PLD1: variants seen among roughly 807,000 people sequenced by gnomAD.
The protein encoded by PLD1 is phospholipase D1.
A neutral mutation model predicts 137.1 loss-of-function variants in PLD1; 112 were observed. That is an observed-to-expected ratio of 0.82 (90% CI 0.70 to 0.96). The LOEUF is 0.96. Ranked by LOEUF, PLD1 falls within the 40% of genes least tolerant of loss-of-function variation. The probability of loss-of-function intolerance (pLI) is 0.00; values close to 1 mark genes in which losing one functional copy is unlikely to be tolerated. For synonymous variants in PLD1, 431 were observed against 454.7 expected, an observed-to-expected ratio of 0.95 and a Z score of 0.66; for missense variants, 1,321 against 1,342.0, an observed-to-expected ratio of 0.98 and a Z score of 0.24.
chr3:171,646,686 A>G (rs567116708), intron 21 of PLD1, among the ~76,000 whole-genome samples: 71 of 152,062 alleles, frequency 4.7e-4, no homozygotes, highest in Non-Finnish European at 8.8e-4. Context: ...AAAAAAAAAA[A>G]AAAAGAAAAG....
chr3:171,745,419 G>C (rs1310961106), intron 1 of PLD1, among the ~76,000 whole-genome samples: 1 of 152,120 alleles, frequency 6.6e-6, no homozygotes, highest in Non-Finnish European at 1.5e-5. Flanking sequence ...TGCATCCCTG[G>C]CCTCTGCTCA....
intron 16 of PLD1, among the ~76,000 whole-genome samples, chr3:171,679,592 A>G (rs1407173740): frequency 6.6e-6 from 1 of 152,244 alleles, no homozygotes; most frequent in Non-Finnish European, 1.5e-5. Flanking sequence ...CTCTAAGCTA[A>G]GGCTTTACAT....
intron 16 of PLD1, among the ~76,000 whole-genome samples, chr3:171,678,932 T>C (rs1713669228): frequency 6.6e-6 from 1 of 152,128 alleles, no homozygotes; most frequent in African/African-American, 2.4e-5. Flanking sequence ...TGCTCCTTTC[T>C]CCCTCTTGGC....
chr3:171,616,321 T>C (rs1252281391), intron 24 of PLD1, among the ~76,000 whole-genome samples: 1 of 152,242 alleles, frequency 6.6e-6, no homozygotes, highest in Non-Finnish European at 1.5e-5. Flanking sequence ...TTATCTTTCC[T>C]TTGTGGTTTG....
chr3:171,619,220 A>G lies in PLD1; in HGVS notation c.2728+1166T>C, dbSNP rs546897298. 4.6e-5 allele frequency among the ~76,000 whole-genome samples: 7 copies of G among 152,300 alleles called. No homozygotes were observed. The East Asian group carries it at 1.3e-3, about 29-fold the overall frequency. On this transcript the variant is annotated intron_variant, in intron 24 of 26. Coordinates refer to ENST00000351298, the MANE Select transcript of PLD1 (RefSeq NM_002662.5). ...TTACCTGGTTGATTATTTATACTCTATCATCCTGGACTTCCAATACTCATT... is the reference window on the plus strand; with the variant it reads ...TTACCTGGTTGATTATTTATACTCTGTCATCCTGGACTTCCAATACTCATT...
At chr3:171,737,756 G>A (rs1224502090) in intron 2 of PLD1, 97 bp from the exon 3 acceptor site, 1 of 1,270,642 alleles carries the variant, frequency 7.9e-7, no homozygotes, top group African/African-American at 1.5e-5. Flanking sequence ...AAACAAGTAA[G>A]CCTCTTATAA....
chr3:171,716,818 G>A (rs755469607), intron 8 of PLD1, among the ~76,000 whole-genome samples: 4 of 152,054 alleles, frequency 2.6e-5, no homozygotes, highest in Admixed American at 6.6e-5. Context: ...ATATTTGCCC[G>A]TTCCAATGTC....
intron 24 of PLD1, among the ~76,000 whole-genome samples, chr3:171,615,243 A>G (rs1367385175): frequency 1.3e-5 from 2 of 152,220 alleles, no homozygotes; most frequent in Non-Finnish European, 2.9e-5. Context: ...TGTTAACAAT[A>G]GTAGGTGCTT....
chr3:171,695,049 G>C (rs1277332335), intron 12 of PLD1, among the ~76,000 whole-genome samples: 2 of 152,182 alleles, frequency 1.3e-5, no homozygotes, highest in African/African-American at 2.4e-5. Context: ...CAAGATTCCT[G>C]TGATAATAAA....
chr3:171,798,338 C>T (rs552656427), intron 1 of PLD1, among the ~76,000 whole-genome samples: 11 of 152,334 alleles, frequency 7.2e-5, no homozygotes, highest in African/African-American at 2.6e-4. Context: ...ATCAACTCTC[C>T]TACTCATCGA....
intron 21 of PLD1, among the ~76,000 whole-genome samples, chr3:171,652,838 C>G (rs370419607): frequency 2.3e-5 from 3 of 130,052 alleles, no homozygotes; most frequent in African/African-American, 5.8e-5. Flanking sequence ...TGGTCTTGAA[C>G]TCCTGAACTC....
At chr3:171,726,187 A>C (rs1718491397) in intron 6 of PLD1, 111 bp from the exon 7 acceptor site, 10 of 691,890 alleles carry the variant, frequency 1.4e-5, no homozygotes, top group Middle Eastern at 3.8e-4. Flanking sequence ...TGTGCTCCAC[A>C]GACTACACAG....
intron 6 of PLD1, among the ~76,000 whole-genome samples, chr3:171,730,331 GA>G (rs971396027): frequency 4.0e-5 from 6 of 151,388 alleles, no homozygotes; most frequent in Non-Finnish European, 7.4e-5. Context: ...AAAGAAAACT[GA>G]ACAAATCACC....
intron 1 of PLD1, among the ~76,000 whole-genome samples, chr3:171,800,413 T>C (rs767682408): frequency 5.2e-4 from 79 of 152,148 alleles, no homozygotes; most frequent in Non-Finnish European, 1.5e-4. Context: ...TTCACCATGT[T>C]GGCCAGGCTG....
chr3:171,747,681 C>T (rs1487433245), intron 1 of PLD1, among the ~76,000 whole-genome samples: 1 of 152,172 alleles, frequency 6.6e-6, no homozygotes, highest in Non-Finnish European at 1.5e-5. Flanking sequence ...AAAAAGCAGA[C>T]TTGCATCATG....
intron 1 of PLD1, 35 bp from the exon 2 acceptor site, chr3:171,738,117 A>G: frequency 7.8e-7 from 1 of 1,284,754 alleles, no homozygotes; most frequent in South Asian, 1.4e-5. Flanking sequence ...AAGACTTAGC[A>G]TTTTGATAAC....
chr3:171,641,871 T>C (rs1280207064), intron 23 of PLD1, among the ~76,000 whole-genome samples: 1 of 152,138 alleles, frequency 6.6e-6, no homozygotes, highest in African/African-American at 2.4e-5. Flanking sequence ...CTCAGAGGGT[T>C]TCCACCAACC....
intron 1 of PLD1, among the ~76,000 whole-genome samples, chr3:171,746,561 T>G (rs1199965592): frequency 6.6e-6 from 1 of 152,190 alleles, no homozygotes; most frequent in African/African-American, 2.4e-5. Context: ...AACACACCAA[T>G]CAGCACCCTG....
chr3:171,748,464 A>G (rs1720420657), intron 1 of PLD1, among the ~76,000 whole-genome samples: 1 of 152,026 alleles, frequency 6.6e-6, no homozygotes, highest in Non-Finnish European at 1.5e-5. Context: ...CAGGGAAGCA[A>G]CCTCTGTTGG....
Sources: gnomAD v4.1 joint callset for allele counts (sites outside exome capture counted in the v4.1 genomes callset) on GRCh38, gnomAD v4.1.1 for gene constraint, MANE v1.5 for transcripts, NCBI Gene and HGNC (gene_info 2026-07-23, HGNC 2026-07-21) for gene names.